Variants in ESRRG observed in about 807,000 individuals in gnomAD.
ESRRG encodes the protein estrogen related receptor gamma.
A neutral mutation model predicts 44.0 loss-of-function variants in ESRRG; 13 were observed. The observed-to-expected ratio is 0.30, with a 90% CI of 0.19 to 0.47. The LOEUF (loss-of-function observed/expected upper bound fraction) is 0.47. Among genes scored for constraint, ESRRG ranks in the 20% least tolerant of loss-of-function variants. The pLI is 1.00. For synonymous variants in ESRRG, 215 were observed against 214.6 expected, an observed-to-expected ratio of 1.00 and a Z score of -0.02; for missense variants, 395 against 580.6, an observed-to-expected ratio of 0.68 and a Z score of 3.29.
intron 1 of ESRRG, chr1:216,715,305 C>T (rs2084614678): frequency 1.1e-6 from 1 of 887,282 alleles, no homozygotes; most frequent in African/African-American, 1.8e-5. Flanking sequence ...CAACTGTATA[C>T]AGTCACTTTC....
At chr1:216,747,885 C>T (rs2091590836) in intron 2 of ESRRG, among the ~76,000 whole-genome samples, 1 of 152,148 alleles carries the variant, frequency 6.6e-6, no homozygotes, top group Non-Finnish European at 1.5e-5. Context: ...GGTTTCCTCC[C>T]TCATTTTGCC....
intron 1 of ESRRG, among the ~76,000 whole-genome samples, chr1:216,963,741 G>A (rs912436700): frequency 6.6e-6 from 1 of 152,152 alleles, no homozygotes; most frequent in Admixed American, 6.6e-5. Flanking sequence ...AGGGACACCA[G>A]AGGCCAACTT....
intron 1 of ESRRG, among the ~76,000 whole-genome samples, chr1:217,051,198 T>TGGGGGC (rs1383052248): frequency 0.28 from 3,132 of 11,252 alleles, 216 homozygotes; most frequent in Admixed American, 0.36. Flanking sequence ...GAGTGGATAA[T>TGGGGGC]GGGGGCGGGG....
chr1:217,122,370 C>T (rs191688871), intron 1 of ESRRG, among the ~76,000 whole-genome samples: 426 of 152,274 alleles, frequency 2.8e-3, no homozygotes, highest in African/African-American at 9.6e-3. Flanking sequence ...CCTGGATTTG[C>T]ATCCTGGCCC....
At chr1:217,080,896 C>T (rs2091708501) in intron 1 of ESRRG, among the ~76,000 whole-genome samples, 1 of 151,850 alleles carries the variant, frequency 6.6e-6, no homozygotes, top group South Asian at 2.1e-4. Flanking sequence ...CCAGGATGGT[C>T]TCAATCTCCT....
At chr1:216,998,995 G>T (rs754795759) in intron 1 of ESRRG, among the ~76,000 whole-genome samples, 2 of 152,144 alleles carry the variant, frequency 1.3e-5, no homozygotes, top group Non-Finnish European at 1.5e-5. Context: ...TACTACTGAG[G>T]TAATCACACA....
At chr1:216,953,268 A>G (rs1235573333) in intron 1 of ESRRG, among the ~76,000 whole-genome samples, 1 of 152,116 alleles carries the variant, frequency 6.6e-6, no homozygotes, top group African/African-American at 2.4e-5. Context: ...GCCATTAGGG[A>G]CCAATTTCGA....
chr1:216,666,406 A>T (rs904784617), intron 2 of ESRRG, among the ~76,000 whole-genome samples: 1 of 152,236 alleles, frequency 6.6e-6, no homozygotes, highest in Non-Finnish European at 1.5e-5. Flanking sequence ...TATAAAGCAC[A>T]AAGTATCATT....
intron 1 of ESRRG, among the ~76,000 whole-genome samples, chr1:217,129,340 G>A (rs1353812495): frequency 6.6e-6 from 1 of 152,166 alleles, no homozygotes; most frequent in Non-Finnish European, 1.5e-5. Context: ...GAAAATAAAT[G>A]TTGATGAGGA....
intron 3 of ESRRG, among the ~76,000 whole-genome samples, chr1:216,633,459 G>A (rs2064666860): frequency 1.3e-5 from 2 of 152,144 alleles, no homozygotes; most frequent in South Asian, 4.1e-4. Flanking sequence ...TGAATAAACT[G>A]TCAAATCCGA....
intron 2 of ESRRG, among the ~76,000 whole-genome samples, chr1:216,796,084 C>G (rs2094463709): frequency 1.3e-5 from 2 of 152,176 alleles, no homozygotes; most frequent in South Asian, 4.1e-4. Flanking sequence ...ACATCCTCCA[C>G]CTACTTCCTA....
intron 5 of ESRRG, among the ~76,000 whole-genome samples, chr1:216,525,853 G>T (rs1182710125): frequency 3.3e-5 from 5 of 152,080 alleles, no homozygotes; most frequent in African/African-American, 7.2e-5. Context: ...GTGCTTCAGG[G>T]AACTGACCAG....
At chr1:216,797,473 G>A (rs1481931581) in intron 2 of ESRRG, among the ~76,000 whole-genome samples, 2 of 152,150 alleles carry the variant, frequency 1.3e-5, no homozygotes, top group African/African-American at 4.8e-5. Context: ...CTACTTCACA[G>A]TATACCCATC....
intron 2 of ESRRG, among the ~76,000 whole-genome samples, chr1:216,800,062 T>C (rs2094573013): frequency 6.6e-6 from 1 of 152,096 alleles, no homozygotes; most frequent in Non-Finnish European, 1.5e-5. Context: ...AAACAGAAGG[T>C]GCTAAATTAA....
At chr1:216,866,156 A>T (rs2096153459) in intron 2 of ESRRG, among the ~76,000 whole-genome samples, 1 of 152,202 alleles carries the variant, frequency 6.6e-6, no homozygotes, top group East Asian at 1.9e-4. Context: ...TCCCATTTTT[A>T]TGAAAAGTAA....
At chr1:216,595,868 G>T (rs974969424) in intron 3 of ESRRG, among the ~76,000 whole-genome samples, 1 of 152,150 alleles carries the variant, frequency 6.6e-6, no homozygotes, top group Admixed American at 6.5e-5. Context: ...AAAACTATAG[G>T]ACTTTAAGAA....
chr1:217,004,388 CT>C (rs2077453487), intron 1 of ESRRG, among the ~76,000 whole-genome samples: 1 of 152,114 alleles, frequency 6.6e-6, no homozygotes, highest in Admixed American at 6.6e-5. Context: ...CTCAGGAGAG[CT>C]GATGGTTTTA....
At chr1:216,791,281 G>A (rs537134363) in intron 2 of ESRRG, among the ~76,000 whole-genome samples, 2 of 151,836 alleles carry the variant, frequency 1.3e-5, no homozygotes, top group Non-Finnish European at 2.9e-5. Flanking sequence ...AAAGTGCGTG[G>A]CACCTCCTTC....
chr1:216,521,642 A>G (rs921287253), intron 5 of ESRRG, among the ~76,000 whole-genome samples: 1 of 152,134 alleles, frequency 6.6e-6, no homozygotes, highest in African/African-American at 2.4e-5. Flanking sequence ...CTGTTAGTAA[A>G]TAGATTTACA....
Sources: gnomAD v4.1 joint callset for allele counts (sites outside exome capture counted in the v4.1 genomes callset) on GRCh38, gnomAD v4.1.1 for gene constraint, MANE v1.5 for transcripts, NCBI Gene and HGNC (gene_info 2026-07-23, HGNC 2026-07-21) for gene names.